Variants in LRMDA observed in about 807,000 individuals in gnomAD.
The protein encoded by LRMDA is leucine rich melanocyte differentiation associated.
A neutral mutation model predicts 29.8 loss-of-function variants in LRMDA; 18 were observed. That is an observed-to-expected ratio of 0.60 (90% CI 0.42 to 0.90). The LOEUF (loss-of-function observed/expected upper bound fraction) is 0.90, where lower values mean the gene tolerates loss of function less well. Among genes scored for constraint, LRMDA ranks in the 40% least tolerant of loss-of-function variants. LRMDA has a pLI of 0.00. For synonymous variants in LRMDA, 125 were observed against 109.4 expected (o/e 1.14, Z -0.89); for missense variants, 273 against 273.9 (o/e 1.00, Z 0.02).
intron 5 of LRMDA, among the ~76,000 whole-genome samples, chr10:76,110,113 G>T (rs943919249): frequency 2.6e-5 from 4 of 152,040 alleles, no homozygotes; most frequent in Admixed American, 6.6e-5. Context: ...CGCCTCAAAG[G>T]TCCCTCTTGT....
At chr10:75,974,855 G>T (rs993759121) in intron 2 of LRMDA, among the ~76,000 whole-genome samples, 14 of 152,156 alleles carry the variant, frequency 9.2e-5, no homozygotes, top group African/African-American at 3.4e-4. Flanking sequence ...AATAATTGCA[G>T]TATTATTAAC....
In LRMDA at chr10:75,604,498, G is replaced by A. The variant is rs11594316; in HGVS notation, c.131+166004G>A. ...TTCTTAGATAGAGCTAAGAGTTCCC[G>A]GCAACTGTTCTGAAGTTTATCCTTG... On this transcript the variant is annotated intron_variant, in intron 2 of 6. Coordinates refer to ENST00000611255, the MANE Select transcript of LRMDA (RefSeq NM_001305581.2). 4.6e-3 allele frequency among the ~76,000 whole-genome samples: 699 copies of A among 152,188 alleles called. 3 individuals carry two copies. The highest frequency in any genetic ancestry group is 0.017 in the Middle Eastern group (5 of 294).
chr10:75,954,175 C>T (rs944563964), intron 2 of LRMDA, among the ~76,000 whole-genome samples: 2 of 152,154 alleles, frequency 1.3e-5, no homozygotes, highest in African/African-American at 2.4e-5. Flanking sequence ...GCTCAGAAGG[C>T]GATCTTTTCC....
chr10:76,187,538 C>T (rs1202482119), intron 5 of LRMDA, among the ~76,000 whole-genome samples: 2 of 152,184 alleles, frequency 1.3e-5, no homozygotes, highest in African/African-American at 4.8e-5. Context: ...TTTTGAGCTT[C>T]AATTTCCTCA....
chr10:76,454,081 G>A (rs1350675290), intron 6 of LRMDA, among the ~76,000 whole-genome samples: 4 of 152,088 alleles, frequency 2.6e-5, no homozygotes, highest in Non-Finnish European at 5.9e-5. Context: ...CACGACAACC[G>A]TTTCATTGAT....
At chr10:75,693,305 G>T (rs564561279) in intron 2 of LRMDA, among the ~76,000 whole-genome samples, 2 of 152,280 alleles carry the variant, frequency 1.3e-5, no homozygotes, top group East Asian at 3.9e-4. Flanking sequence ...GCTGTCTGTT[G>T]CCAGAGAACC....
At chr10:75,876,415 G>C (rs186249074) in intron 2 of LRMDA, among the ~76,000 whole-genome samples, 1 of 152,278 alleles carries the variant, frequency 6.6e-6, no homozygotes, top group Non-Finnish European at 1.5e-5. Flanking sequence ...TCAGAAGAGA[G>C]AGACAGAAAG....
intron 2 of LRMDA, among the ~76,000 whole-genome samples, chr10:75,580,194 TC>T (rs1196229594): frequency 2.0e-5 from 3 of 152,318 alleles, no homozygotes; most frequent in Non-Finnish European, 2.9e-5. Context: ...GCCCAAAATC[TC>T]CTTAAGCTGA....
At chr10:75,922,492 T>C (rs888319502) in intron 2 of LRMDA, among the ~76,000 whole-genome samples, 1 of 152,172 alleles carries the variant, frequency 6.6e-6, no homozygotes, top group Non-Finnish European at 1.5e-5. Context: ...AGTTTGGAGG[T>C]TGCCTTCTGC....
chr10:75,596,443 C>T (rs946497644), intron 2 of LRMDA, among the ~76,000 whole-genome samples: 9 of 152,146 alleles, frequency 5.9e-5, no homozygotes, highest in Admixed American at 1.3e-4. Flanking sequence ...ATGTTTTCTT[C>T]CTAGGAGTCT....
At chr10:76,379,577 C>T (rs1427289723) in intron 6 of LRMDA, among the ~76,000 whole-genome samples, 1 of 151,992 alleles carries the variant, frequency 6.6e-6, no homozygotes, top group Admixed American at 6.5e-5. Context: ...TTCTTTATCA[C>T]TTCTGATTGT....
chr10:76,146,294 TA>T (rs1158323047), intron 5 of LRMDA, among the ~76,000 whole-genome samples: 1 of 151,958 alleles, frequency 6.6e-6, no homozygotes, highest in African/African-American at 2.4e-5. Context: ...AGTGGGGTGT[TA>T]AAGTCTCCCA....
At chr10:75,896,875 G>A (rs1845591991) in intron 2 of LRMDA, among the ~76,000 whole-genome samples, 7 of 151,586 alleles carry the variant, frequency 4.6e-5, no homozygotes, top group Admixed American at 6.6e-5. Context: ...GTGTGTGTAA[G>A]AGAATATTAG....
chr10:75,781,763 T>C (rs956501797), intron 2 of LRMDA, among the ~76,000 whole-genome samples: 2 of 152,216 alleles, frequency 1.3e-5, no homozygotes, highest in Non-Finnish European at 2.9e-5. Context: ...TTCTATTCTT[T>C]AATATTCATA....
intron 6 of LRMDA, among the ~76,000 whole-genome samples, chr10:76,473,629 AG>A (rs907288017): frequency 6.1e-5 from 9 of 147,788 alleles, no homozygotes; most frequent in African/African-American, 1.7e-4. Context: ...AAAAAAAAAA[AG>A]AAAAAAGAAA....
At chr10:76,373,652 T>C (rs1841482306) in intron 6 of LRMDA, among the ~76,000 whole-genome samples, 1 of 152,142 alleles carries the variant, frequency 6.6e-6, no homozygotes, top group South Asian at 2.1e-4. Flanking sequence ...AATTGGCCAG[T>C]TCCTAGACAG....
chr10:76,227,725 A>T (rs568213699), intron 5 of LRMDA, among the ~76,000 whole-genome samples: 5 of 152,332 alleles, frequency 3.3e-5, no homozygotes, highest in African/African-American at 9.6e-5. Context: ...AGTATGTCCT[A>T]TTACTGGCTC....
intron 2 of LRMDA, among the ~76,000 whole-genome samples, chr10:75,523,720 A>G (rs1307824151): frequency 6.6e-6 from 1 of 152,198 alleles, no homozygotes; most frequent in Non-Finnish European, 1.5e-5. Context: ...CTACTCCAGT[A>G]ATAATACCTG....
chr10:76,231,408 T>C (rs1228425005), intron 5 of LRMDA, among the ~76,000 whole-genome samples: 1 of 152,246 alleles, frequency 6.6e-6, no homozygotes, highest in African/African-American at 2.4e-5. Context: ...TTGTTGATAG[T>C]ACTTGTTCAA....
Sources: allele counts gnomAD v4.1 joint callset (sites outside exome capture counted in the v4.1 genomes callset), GRCh38; gene constraint gnomAD v4.1.1; transcripts MANE v1.5; gene names NCBI Gene and HGNC (gene_info 2026-07-23, HGNC 2026-07-21).